SAMMSON: variants seen among roughly 807,000 people sequenced by gnomAD.
The protein encoded by SAMMSON is long intergenic non-protein coding RNA 1212.
At chr3:70,115,735 G>A (rs1463107392) in intron 4 of SAMMSON, among the ~76,000 whole-genome samples, 5 of 151,954 alleles carry the variant, frequency 3.3e-5, no homozygotes, top group Admixed American at 3.3e-4. Context: ...CCTTATTCTT[G>A]TCCCAACCTA....
chr3:70,393,433 T>G (rs1701066094), downstream of SAMMSON, among the ~76,000 whole-genome samples: 1 of 152,216 alleles, frequency 6.6e-6, no homozygotes, highest in Non-Finnish European at 1.5e-5. Flanking sequence ...AAAATCTCTA[T>G]CACTTGTTTA....
intron 4 of SAMMSON, chr3:70,126,780 GT>G: frequency 5.2e-6 from 1 of 192,302 alleles, no homozygotes; most frequent in East Asian, 1.6e-4. Flanking sequence ...CAGTGGCACA[GT>G]CTCTACACAC....
chr3:70,379,231 C>A (rs1175900728), intron 9 of SAMMSON, among the ~76,000 whole-genome samples: 1 of 152,088 alleles, frequency 6.6e-6, no homozygotes, highest in African/African-American at 2.4e-5. Context: ...CCAGGCTGGT[C>A]TCAAGCGCCT....
intron 3 of SAMMSON, among the ~76,000 whole-genome samples, chr3:70,052,638 G>C (rs1445329338): frequency 6.6e-6 from 1 of 152,062 alleles, no homozygotes; most frequent in Non-Finnish European, 1.5e-5. Context: ...ATGCATATTT[G>C]CATGTATGTT....
intron 9 of SAMMSON, among the ~76,000 whole-genome samples, chr3:70,369,617 G>T (rs1384274972): frequency 1.3e-5 from 2 of 151,442 alleles, no homozygotes; most frequent in African/African-American, 4.8e-5. Context: ...TGATCTTAGG[G>T]GAAAAGAGCC....
chr3:70,036,995 G>C (rs574038814), intron 3 of SAMMSON, among the ~76,000 whole-genome samples: 2 of 152,048 alleles, frequency 1.3e-5, no homozygotes, highest in South Asian at 4.1e-4. Flanking sequence ...ATGATTAATA[G>C]AATGTCAAAA....
chr3:70,408,831 ATC>A (rs2106767361), intron 2 of SAMMSON, among the ~76,000 whole-genome samples: 1 of 152,178 alleles, frequency 6.6e-6, no homozygotes, highest in South Asian at 2.1e-4. Context: ...TACTATATTT[ATC>A]TGTTTTCACG....
In SAMMSON at chr3:70,032,586, G is replaced by A. The variant is rs554176824; in HGVS notation, n.417+18914G>A. ...TGACAGCTAGGGCTGCAGATCTTAC[G>A]CTTTCTATTAATGAGTTGATATCCT... On this transcript the variant is annotated intron_variant and non_coding_transcript_variant, in intron 3 of 9. Transcript: ENST00000642114. Among the ~76,000 whole-genome samples, 11 of 152,272 alleles carry A rather than the reference G, an allele frequency of 7.2e-5. No homozygotes were observed. In the East Asian group the frequency reaches 1.5e-3, roughly 21 times the overall value.
chr3:70,246,180 G>A (rs111936893), intron 4 of SAMMSON, among the ~76,000 whole-genome samples: 2,700 of 151,986 alleles, frequency 0.018, 85 homozygotes, highest in African/African-American at 0.062. Flanking sequence ...ATTGACAGCC[G>A]TAAGATTCTT....
At chr3:70,055,073 T>A (rs1019697019) in intron 3 of SAMMSON, among the ~76,000 whole-genome samples, 1 of 152,112 alleles carries the variant, frequency 6.6e-6, no homozygotes, top group Admixed American at 6.6e-5. Flanking sequence ...TTAAATGTCC[T>A]TATATTTTAG....
chr3:70,066,643 GT>G (rs1487895511), intron 3 of SAMMSON, among the ~76,000 whole-genome samples: 1 of 152,062 alleles, frequency 6.6e-6, no homozygotes, highest in Non-Finnish European at 1.5e-5. Context: ...CTATTAACAT[GT>G]AAAATAGTCT....
intron 2 of SAMMSON, among the ~76,000 whole-genome samples, chr3:70,414,317 G>A (rs1324694115): frequency 6.6e-6 from 1 of 152,070 alleles, no homozygotes; most frequent in Non-Finnish European, 1.5e-5. Flanking sequence ...AAAATATAAT[G>A]AGATGCTAGA....
chr3:70,302,750 A>G (rs1357774046), intron 7 of SAMMSON: 1 of 152,138 alleles, frequency 6.6e-6, no homozygotes, highest in Non-Finnish European at 1.5e-5. Context: ...GAGTCTCTAA[A>G]TGTGCTATTT....
chr3:70,214,656 G>T (rs1294768142), intron 4 of SAMMSON, among the ~76,000 whole-genome samples: 13 of 141,714 alleles, frequency 9.2e-5, no homozygotes, highest in Non-Finnish European at 2.0e-4. Flanking sequence ...TCAGTTTTCT[G>T]CCCGCCACTA....
intron 4 of SAMMSON, among the ~76,000 whole-genome samples, chr3:70,089,993 T>C (rs2067299586): frequency 6.6e-6 from 1 of 152,224 alleles, no homozygotes; most frequent in Admixed American, 6.5e-5. Context: ...GAGTATCCCA[T>C]AATAATGAAA....
At chr3:70,276,104 T>C (rs1025786861) in intron 6 of SAMMSON, among the ~76,000 whole-genome samples, 4 of 152,176 alleles carry the variant, frequency 2.6e-5, no homozygotes, top group African/African-American at 9.7e-5. Flanking sequence ...TATGATAATA[T>C]AACTTATGTG....
intron 4 of SAMMSON, among the ~76,000 whole-genome samples, chr3:70,243,002 G>A (rs1251206240): frequency 6.6e-6 from 1 of 152,156 alleles, no homozygotes; most frequent in African/African-American, 2.4e-5. Flanking sequence ...AGAGCAGAAC[G>A]ATATAACCGT....
chr3:70,213,270 T>C (rs2106730688), intron 4 of SAMMSON, among the ~76,000 whole-genome samples: 1 of 152,240 alleles, frequency 6.6e-6, no homozygotes, highest in East Asian at 1.9e-4. Flanking sequence ...CTACAAATTC[T>C]ATTGCCAAGT....
chr3:70,224,997 T>A (rs552323357), intron 4 of SAMMSON, among the ~76,000 whole-genome samples: 1 of 152,298 alleles, frequency 6.6e-6, no homozygotes, highest in South Asian at 2.1e-4. Flanking sequence ...GACATGACAA[T>A]GTTGATACGT....
Sources: allele counts gnomAD v4.1 joint callset (sites outside exome capture counted in the v4.1 genomes callset), GRCh38; gene constraint gnomAD v4.1.1; transcripts MANE v1.5; gene names NCBI Gene and HGNC (gene_info 2026-07-23, HGNC 2026-07-21).